Variants in ESRRG observed in about 807,000 individuals in gnomAD.
The protein encoded by ESRRG is estrogen related receptor gamma.
ESRRG carries 13 observed loss-of-function variants against 44.0 expected under a neutral mutation model. That is an observed-to-expected ratio of 0.30 (90% CI 0.19 to 0.47). ESRRG has a LOEUF of 0.47. Ranked by LOEUF, ESRRG falls within the 20% of genes least tolerant of loss-of-function variation. The pLI, the probability that ESRRG is intolerant of heterozygous loss-of-function variation, is 1.00. For synonymous variants in ESRRG, 215 were observed against 214.6 expected (o/e 1.00, Z -0.02); for missense variants, 395 against 580.6 (o/e 0.68, Z 3.29).
chr1:216,604,222 A>G (rs948703919), intron 3 of ESRRG, among the ~76,000 whole-genome samples: 1 of 152,188 alleles, frequency 6.6e-6, no homozygotes, highest in African/African-American at 2.4e-5. Flanking sequence ...TAACTACAGG[A>G]AGCAACTACT....
At chr1:216,531,538 T>C (rs916559116) in intron 5 of ESRRG, among the ~76,000 whole-genome samples, 1 of 151,922 alleles carries the variant, frequency 6.6e-6, no homozygotes, top group Non-Finnish European at 1.5e-5. Flanking sequence ...CTCTACACTA[T>C]CCCCAGTTTG....
At chr1:216,540,983 A>G (rs2052537504) in intron 5 of ESRRG, among the ~76,000 whole-genome samples, 1 of 152,000 alleles carries the variant, frequency 6.6e-6, no homozygotes, top group Admixed American at 6.6e-5. Flanking sequence ...TAATGTGTTG[A>G]AGAGACAGGG....
intron 2 of ESRRG, among the ~76,000 whole-genome samples, chr1:216,898,192 A>G (rs1222164181): frequency 1.3e-5 from 2 of 152,222 alleles, no homozygotes; most frequent in Non-Finnish European, 2.9e-5. Flanking sequence ...CTCAGTTTGC[A>G]CCATGAATTT....
In ESRRG at chr1:216,912,074, G is replaced by A. The variant is rs1016492478; in HGVS notation, c.-14+27508C>T. On this transcript the variant is annotated intron_variant, in intron 2 of 7. Coordinates refer to the ESRRG transcript ENST00000359162. Reference sequence around the variant, plus strand: ...AGATTGTCCCACAGCACTCAAGCCTGGGAGACAGAGCAAGACCCACCCTGT... The same window carrying A: ...AGATTGTCCCACAGCACTCAAGCCTAGGAGACAGAGCAAGACCCACCCTGT... Among the ~76,000 whole-genome samples the A allele has an allele frequency of 2.1e-5, 3 of 145,768 alleles. No individual in the cohort carries two copies. In the Admixed American group the frequency reaches 2.1e-4, roughly 10 times the overall value.
At chr1:216,857,677 A>C (rs1193487915) in intron 2 of ESRRG, among the ~76,000 whole-genome samples, 1 of 151,888 alleles carries the variant, frequency 6.6e-6, no homozygotes, top group Non-Finnish European at 1.5e-5. Context: ...GGCATTCTGA[A>C]AACTAAGTCT....
chr1:217,021,889 T>A (rs1346553834), intron 1 of ESRRG, among the ~76,000 whole-genome samples: 1 of 152,176 alleles, frequency 6.6e-6, no homozygotes, highest in South Asian at 2.1e-4. Context: ...TTAAACTTTT[T>A]TCCTCTGCAG....
chr1:216,743,332 A>G (rs1471503271), intron 2 of ESRRG, among the ~76,000 whole-genome samples: 2 of 152,204 alleles, frequency 1.3e-5, no homozygotes, highest in South Asian at 4.1e-4. Flanking sequence ...CTGAAATAAA[A>G]CAATACACCC....
At chr1:216,558,640 G>T (rs1212646181) in intron 5 of ESRRG, among the ~76,000 whole-genome samples, 2 of 151,678 alleles carry the variant, frequency 1.3e-5, no homozygotes, top group African/African-American at 2.4e-5. Context: ...TAAATAATTT[G>T]CATGTATTTT....
chr1:216,612,370 A>G (rs1361519501), intron 3 of ESRRG, among the ~76,000 whole-genome samples: 2 of 150,708 alleles, frequency 1.3e-5, no homozygotes, highest in Non-Finnish European at 3.0e-5. Flanking sequence ...GGAAGGAAGG[A>G]AGGGGCGGGA....
chr1:217,077,974 C>T (rs1465841728), intron 1 of ESRRG, among the ~76,000 whole-genome samples: 1 of 152,176 alleles, frequency 6.6e-6, no homozygotes, highest in African/African-American at 2.4e-5. Flanking sequence ...ACTGCAAAGT[C>T]ACTGTATCAG....
chr1:217,094,973 A>G (rs901302909), intron 1 of ESRRG, among the ~76,000 whole-genome samples: 11 of 152,206 alleles, frequency 7.2e-5, no homozygotes, highest in African/African-American at 2.7e-4. Flanking sequence ...TTATAGCTCT[A>G]GGGATCCATG....
intron 3 of ESRRG, among the ~76,000 whole-genome samples, chr1:216,627,310 C>G (rs1032358826): frequency 2.6e-5 from 4 of 152,076 alleles, no homozygotes; most frequent in Non-Finnish European, 5.9e-5. Flanking sequence ...TCTCTTTTAC[C>G]AGGTCCCTCT....
chr1:216,548,218 C>T (rs904897425), intron 5 of ESRRG, among the ~76,000 whole-genome samples: 3 of 151,930 alleles, frequency 2.0e-5, no homozygotes, highest in Non-Finnish European at 4.4e-5. Context: ...TTTTGCCTGC[C>T]CACCTGTATG....
intron 2 of ESRRG, among the ~76,000 whole-genome samples, chr1:216,935,326 T>C (rs1385214476): frequency 6.6e-6 from 1 of 152,224 alleles, no homozygotes; most frequent in Non-Finnish European, 1.5e-5. Flanking sequence ...CTGTTTGATT[T>C]AGCTATAAAT....
At chr1:216,973,822 G>GT (rs2072261056) in intron 1 of ESRRG, among the ~76,000 whole-genome samples, 2 of 120,210 alleles carry the variant, frequency 1.7e-5, no homozygotes, top group Non-Finnish European at 3.3e-5. Flanking sequence ...GTGAAACTCT[G>GT]TCTCAAAAAA....
intron 2 of ESRRG, among the ~76,000 whole-genome samples, chr1:216,754,138 A>G (rs771193864): frequency 6.6e-6 from 1 of 152,000 alleles, no homozygotes; most frequent in Admixed American, 6.6e-5. Context: ...TTTAAAAGAG[A>G]TGGAGGAAAA....
intron 1 of ESRRG, among the ~76,000 whole-genome samples, chr1:217,067,664 A>G (rs2089959385): frequency 6.6e-6 from 1 of 152,238 alleles, no homozygotes; most frequent in South Asian, 2.1e-4. Flanking sequence ...AGCCATTATC[A>G]TAAGACATAA....
intron 1 of ESRRG, among the ~76,000 whole-genome samples, chr1:216,960,747 G>T (rs1338553144): frequency 1.3e-5 from 2 of 151,936 alleles, no homozygotes; most frequent in Admixed American, 1.3e-4. Flanking sequence ...CACCATGCCT[G>T]GCTAATTTTT....
At chr1:217,073,575 TAA>T (rs1483803527) in intron 1 of ESRRG, among the ~76,000 whole-genome samples, 1 of 152,194 alleles carries the variant, frequency 6.6e-6, no homozygotes, top group Non-Finnish European at 1.5e-5. Flanking sequence ...TGACTCCTCT[TAA>T]AGTTTCCATT....
Sources: gnomAD v4.1 joint callset for allele counts (sites outside exome capture counted in the v4.1 genomes callset) on GRCh38, gnomAD v4.1.1 for gene constraint, MANE v1.5 for transcripts, NCBI Gene and HGNC (gene_info 2026-07-23, HGNC 2026-07-21) for gene names.